SEMA6D: variants seen among roughly 807,000 people sequenced by gnomAD.
SEMA6D encodes semaphorin 6D, also known as semaphorin-6D.
A neutral mutation model predicts 106.6 loss-of-function variants in SEMA6D; 35 were observed. That is an observed-to-expected ratio of 0.33 (90% CI 0.25 to 0.44). The LOEUF (loss-of-function observed/expected upper bound fraction) is 0.44. Among genes scored for constraint, SEMA6D ranks in the 20% least tolerant of loss-of-function variants. The probability of loss-of-function intolerance (pLI) is 1.00; values close to 1 mark genes in which losing one functional copy is unlikely to be tolerated. For synonymous variants in SEMA6D, 499 were observed against 487.7 expected (o/e 1.02, Z -0.31); for missense variants, 1,185 against 1,345.9 (o/e 0.88, Z 1.87).
intron 1 of SEMA6D, among the ~76,000 whole-genome samples, chr15:47,236,402 C>A (rs2032542681): frequency 6.6e-6 from 1 of 152,000 alleles, no homozygotes; most frequent in Admixed American, 6.6e-5. Context: ...TAATAGAATT[C>A]TAAGTATTTA....
chr15:47,557,425 T>C (rs1489021395), intron 3 of SEMA6D, among the ~76,000 whole-genome samples: 1 of 152,214 alleles, frequency 6.6e-6, no homozygotes, highest in Non-Finnish European at 1.5e-5. Flanking sequence ...ATGCTCAGTA[T>C]GAACCAAATG....
chr15:47,490,808 C>G (rs4606658), intron 3 of SEMA6D, among the ~76,000 whole-genome samples: 58,327 of 152,078 alleles, frequency 0.38, 12,371 homozygotes, highest in African/African-American at 0.58. Context: ...AACTCCATAG[C>G]CATTTTAGAA....
chr15:47,520,341 C>T (rs2141920683), intron 3 of SEMA6D, among the ~76,000 whole-genome samples: 1 of 152,300 alleles, frequency 6.6e-6, no homozygotes, highest in Middle Eastern at 3.4e-3. Flanking sequence ...AGGCCCTGGG[C>T]CAGGGGCAGA....
intron 1 of SEMA6D, among the ~76,000 whole-genome samples, chr15:47,404,585 A>G (rs573305897): frequency 5.9e-5 from 9 of 152,252 alleles, no homozygotes; most frequent in African/African-American, 1.9e-4. Context: ...GAGGGGTGCC[A>G]TTAATAGGGA....
chr15:47,612,112 ATGG>A (rs926745623), intron 4 of SEMA6D, among the ~76,000 whole-genome samples: 3 of 152,134 alleles, frequency 2.0e-5, no homozygotes, highest in African/African-American at 7.2e-5. Context: ...AGGCATTGGA[ATGG>A]TTGTTCTGGA....
At chr15:47,283,693 CA>C (rs2035234302) in intron 1 of SEMA6D, among the ~76,000 whole-genome samples, 1 of 152,126 alleles carries the variant, frequency 6.6e-6, no homozygotes, top group Non-Finnish European at 1.5e-5. Context: ...CAGCTGGAGA[CA>C]ATTTGAGGCT....
chr15:47,483,278 T>A (rs2043204401), intron 3 of SEMA6D, among the ~76,000 whole-genome samples: 1 of 152,140 alleles, frequency 6.6e-6, no homozygotes, highest in Non-Finnish European at 1.5e-5. Context: ...CCATAGACCC[T>A]TCAGACTGCA....
intron 1 of SEMA6D, among the ~76,000 whole-genome samples, chr15:47,273,794 C>A (rs2034673583): frequency 1.3e-5 from 2 of 152,180 alleles, no homozygotes; most frequent in South Asian, 4.1e-4. Flanking sequence ...CACTGGCTTA[C>A]CATATCATGG....
At chr15:47,293,889 A>G (rs2035693960) in intron 1 of SEMA6D, among the ~76,000 whole-genome samples, 1 of 152,196 alleles carries the variant, frequency 6.6e-6, no homozygotes. Context: ...GAAGAAATAT[A>G]CTCAATTAAG....
intron 4 of SEMA6D, among the ~76,000 whole-genome samples, chr15:47,630,716 A>G (rs1025343822): frequency 6.6e-6 from 1 of 151,850 alleles, no homozygotes; most frequent in African/African-American, 2.4e-5. Context: ...ATTACGTATG[A>G]TATTAGCTGT....
At chr15:47,330,153 C>T (rs1374279339) in intron 1 of SEMA6D, among the ~76,000 whole-genome samples, 9 of 152,118 alleles carry the variant, frequency 5.9e-5, no homozygotes, top group Admixed American at 5.2e-4. Context: ...TCTGCTTTTC[C>T]CATTTTGCTC....
chr15:47,723,084 TC>T (rs1396146824), intron 1 of SEMA6D, among the ~76,000 whole-genome samples: 1 of 152,164 alleles, frequency 6.6e-6, no homozygotes, highest in Admixed American at 6.6e-5. Context: ...TTTTCTGACT[TC>T]CTAATACTTC....
chr15:47,349,030 A>G (rs543022091), intron 1 of SEMA6D, among the ~76,000 whole-genome samples: 12 of 152,086 alleles, frequency 7.9e-5, no homozygotes, highest in Non-Finnish European at 1.5e-4. Flanking sequence ...GGGCTGGAGC[A>G]AGGGACCAGG....
intron 2 of SEMA6D, among the ~76,000 whole-genome samples, chr15:47,461,113 C>G (rs906896053): frequency 2.0e-5 from 3 of 152,104 alleles, no homozygotes; most frequent in African/African-American, 7.2e-5. Flanking sequence ...TGTCTCAGCC[C>G]AGACCACTCT....
chr15:47,274,930 C>T (rs911128597), intron 1 of SEMA6D: 4 of 152,166 alleles, frequency 2.6e-5, no homozygotes, highest in South Asian at 2.1e-4. Flanking sequence ...GTTCTACAAA[C>T]GAACCTATGG....
intron 2 of SEMA6D, among the ~76,000 whole-genome samples, chr15:47,457,942 A>G (rs987954092): frequency 6.6e-6 from 1 of 152,012 alleles, no homozygotes; most frequent in South Asian, 2.1e-4. Context: ...AAAAGAGAAC[A>G]TAAAAATGGC....
intron 3 of SEMA6D, among the ~76,000 whole-genome samples, chr15:47,560,903 G>C (rs2046060801): frequency 6.6e-6 from 1 of 151,972 alleles, no homozygotes; most frequent in African/African-American, 2.4e-5. Flanking sequence ...AAGGGGCATG[G>C]AGCAGATTCT....
At chr15:47,316,662 T>C (rs2036695053) in intron 1 of SEMA6D, among the ~76,000 whole-genome samples, 1 of 150,628 alleles carries the variant, frequency 6.6e-6, no homozygotes, top group Non-Finnish European at 1.5e-5. Flanking sequence ...TTTTTTTCTC[T>C]ATCTGCTGAT....
At chr15:47,646,821 T>C (rs1239998603) in intron 4 of SEMA6D, among the ~76,000 whole-genome samples, 1 of 152,160 alleles carries the variant, frequency 6.6e-6, no homozygotes, top group Non-Finnish European at 1.5e-5. Flanking sequence ...CTGAAAAATG[T>C]ATCACTAGCC....
Sources: gnomAD v4.1 joint callset for allele counts (sites outside exome capture counted in the v4.1 genomes callset) on GRCh38, gnomAD v4.1.1 for gene constraint, MANE v1.5 for transcripts, NCBI Gene and HGNC (gene_info 2026-07-23, HGNC 2026-07-21) for gene names.